Variants in TMEM178B observed in about 807,000 individuals in gnomAD.
The protein encoded by TMEM178B is transmembrane protein 178B.
In TMEM178B, 5 loss-of-function variants were observed where a neutral mutation model predicts 31.0. The observed-to-expected ratio is 0.16, with a 90% confidence interval of 0.08 to 0.34. The LOEUF (loss-of-function observed/expected upper bound fraction) is 0.34, where lower values mean the gene tolerates loss of function less well. Ranked by LOEUF, TMEM178B falls within the 10% of genes least tolerant of loss-of-function variation. The pLI, the probability that TMEM178B is intolerant of heterozygous loss-of-function variation, is 1.00. For missense variants in TMEM178B, 275 were observed against 400.3 expected (o/e 0.69, Z 2.67); for synonymous variants, 164 against 164.0 (o/e 1.00, Z 0.00).
chr7:141,130,026 T>C (rs1328039381), intron 1 of TMEM178B, among the ~76,000 whole-genome samples: 1 of 152,176 alleles, frequency 6.6e-6, no homozygotes, highest in Non-Finnish European at 1.5e-5. Context: ...AGACAATAGA[T>C]GACCGATGTT....
chr7:141,103,596 A>G (rs1795094154), intron 1 of TMEM178B, among the ~76,000 whole-genome samples: 1 of 152,104 alleles, frequency 6.6e-6, no homozygotes, highest in Non-Finnish European at 1.5e-5. Context: ...TAGTCAGTCC[A>G]TGGGAAATGC....
chr7:141,206,869 G>T (rs572565245), intron 1 of TMEM178B, among the ~76,000 whole-genome samples: 2 of 152,166 alleles, frequency 1.3e-5, no homozygotes, highest in Non-Finnish European at 2.9e-5. Flanking sequence ...ATAGGCATAA[G>T]GTTATATAGC....
chr7:141,113,684 G>A, intron 1 of TMEM178B, among the ~76,000 whole-genome samples: 1 of 152,192 alleles, frequency 6.6e-6, no homozygotes, highest in East Asian at 1.9e-4. Flanking sequence ...CTTGCAGTGA[G>A]CTGGGCCGTC....
chr7:141,192,731 G>A (rs1484019265), intron 1 of TMEM178B, among the ~76,000 whole-genome samples: 3 of 152,294 alleles, frequency 2.0e-5, no homozygotes, highest in African/African-American at 7.2e-5. Flanking sequence ...CTCCCAAAGT[G>A]CTGGGATTAC....
chr7:141,337,283 C>CCACCACCATAATCAT (rs1215628670), intron 2 of TMEM178B, among the ~76,000 whole-genome samples: 5 of 126,726 alleles, frequency 3.9e-5, no homozygotes, highest in African/African-American at 1.2e-4. Context: ...ATCACCACTA[C>CCACCACCATAATCAT]CACCACCATC....
chr7:141,122,912 G>A (rs983283191), intron 1 of TMEM178B, among the ~76,000 whole-genome samples: 15 of 152,260 alleles, frequency 9.9e-5, no homozygotes, highest in Admixed American at 2.0e-4. Context: ...ACTTGCAGGC[G>A]GATCAAGGCT....
chr7:141,349,918 C>T (rs1799684601), intron 2 of TMEM178B, among the ~76,000 whole-genome samples: 1 of 151,984 alleles, frequency 6.6e-6, no homozygotes, highest in Non-Finnish European at 1.5e-5. Context: ...TTGCTGAAAC[C>T]CTGAGGAAGA....
rs926294212 is a variant in TMEM178B, at chr7:141,344,006, A to G, written c.497-93602A>G. Among the ~76,000 whole-genome samples, 3 of 152,222 alleles carry G rather than the reference A, an allele frequency of 2.0e-5. No homozygotes were observed. Among genetic ancestry groups the G allele is most frequent in the Non-Finnish European group, 4.4e-5 (3 of 68,034 alleles). Reference sequence around the variant, plus strand: ...GGGAACAAAATAAAACCACTTATTCATACTGCAGAGGAAAGGACAGCTTGG... The same window carrying G: ...GGGAACAAAATAAAACCACTTATTCGTACTGCAGAGGAAAGGACAGCTTGG... On this transcript the variant is annotated intron_variant, in intron 2 of 3. Coordinates refer to ENST00000565468, the MANE Select transcript of TMEM178B (RefSeq NM_001195278.2). This position sits in a 1 kb window ranked among gnomAD's most constrained non-coding sequence, Gnocchi z 4.1.
chr7:141,088,248 T>G (rs1296494017), intron 1 of TMEM178B, among the ~76,000 whole-genome samples: 4 of 152,054 alleles, frequency 2.6e-5, no homozygotes, highest in African/African-American at 4.8e-5. Context: ...TAGTTGTGGC[T>G]TCTCTGCTTG....
intron 1 of TMEM178B, among the ~76,000 whole-genome samples, chr7:141,180,019 G>A (rs544022224): frequency 4.4e-4 from 67 of 152,290 alleles, no homozygotes; most frequent in Admixed American, 1.1e-3. Context: ...CCATTTTTAA[G>A]AGGAAAGCAA....
At chr7:141,115,332 T>C (rs938042979) in intron 1 of TMEM178B, among the ~76,000 whole-genome samples, 18 of 152,004 alleles carry the variant, frequency 1.2e-4, no homozygotes, top group African/African-American at 4.3e-4. Flanking sequence ...TGAGCCACCA[T>C]GCCTGGCTGG....
intron 1 of TMEM178B, among the ~76,000 whole-genome samples, chr7:141,126,264 A>G (rs1795493687): frequency 6.6e-6 from 1 of 152,184 alleles, no homozygotes. Context: ...TGAGTCAAGC[A>G]CTGTCCTGGC....
chr7:141,313,631 T>C (rs1798950507), intron 2 of TMEM178B, among the ~76,000 whole-genome samples: 1 of 152,176 alleles, frequency 6.6e-6, no homozygotes, highest in African/African-American at 2.4e-5. Flanking sequence ...AAACACTGTA[T>C]GCCCTTGGCT....
intron 2 of TMEM178B, among the ~76,000 whole-genome samples, chr7:141,321,971 C>T (rs534099146): frequency 4.8e-5 from 7 of 146,784 alleles, no homozygotes; most frequent in South Asian, 2.2e-4. Context: ...TTACTGCCAG[C>T]GTATATTTTG....
intron 1 of TMEM178B, among the ~76,000 whole-genome samples, chr7:141,142,930 T>C (rs924531947): frequency 1.1e-4 from 16 of 152,246 alleles, no homozygotes; most frequent in African/African-American, 3.9e-4. Context: ...TGGTGTGAGA[T>C]AGCATCTCAT....
intron 3 of TMEM178B, among the ~76,000 whole-genome samples, chr7:141,459,946 G>GAA (rs772210040): frequency 8.5e-6 from 1 of 116,962 alleles, no homozygotes. Context: ...AATAGATGGA[G>GAA]AAAAAAAAAA....
chr7:141,258,241 C>T (rs1231297357), intron 2 of TMEM178B, among the ~76,000 whole-genome samples: 1 of 151,090 alleles, frequency 6.6e-6, no homozygotes, highest in Non-Finnish European at 1.5e-5. Flanking sequence ...AGATATGGTT[C>T]TTATATTGTT....
intron 1 of TMEM178B, among the ~76,000 whole-genome samples, chr7:141,114,360 G>A (rs1316317216): frequency 1.3e-5 from 2 of 152,002 alleles, no homozygotes; most frequent in Non-Finnish European, 2.9e-5. Context: ...CAGCTGCACT[G>A]TATCTCCCTT....
At chr7:141,129,982 T>C (rs1795567500) in intron 1 of TMEM178B, among the ~76,000 whole-genome samples, 1 of 152,152 alleles carries the variant, frequency 6.6e-6, no homozygotes. Context: ...CAAGTTTCTT[T>C]TGAAGTTTCA....
Sources: allele counts gnomAD v4.1 joint callset (sites outside exome capture counted in the v4.1 genomes callset), GRCh38; gene constraint gnomAD v4.1.1; non-coding constraint Gnocchi (gnomAD v3.1); transcripts MANE v1.5; gene names NCBI Gene and HGNC (gene_info 2026-07-23, HGNC 2026-07-21).